Variants in NEB observed in about 807,000 individuals in gnomAD.
NEB encodes the protein nebulin.
In NEB, 512 loss-of-function variants were observed where a neutral mutation model predicts 952.2. The observed-to-expected ratio is 0.54, with a 90% confidence interval of 0.50 to 0.58. The LOEUF (loss-of-function observed/expected upper bound fraction) is 0.58, where lower values mean the gene tolerates loss of function less well. Among genes scored for constraint, NEB ranks in the 20% least tolerant of loss-of-function variants. The pLI, the probability that NEB is intolerant of heterozygous loss-of-function variation, is 0.00. For missense variants in NEB, 8,428 were observed against 9,231.1 expected (o/e 0.91, Z 3.56); for synonymous variants, 2,900 against 3,149.8 (o/e 0.92, Z 2.66).
rs766822645 is a variant in NEB, at chr2:151,656,245, T to C, written c.6403A>G (p.Thr2135Ala). 1 of 1,613,536 alleles carries C rather than the reference T, an allele frequency of 6.2e-7. No individual in the cohort carries two copies. The highest frequency in any genetic ancestry group is 1.1e-5 in the South Asian group (1 of 91,038). Residue 2135 changes from threonine to alanine, a missense_variant, in exon 49 of 182, where the codon ACT becomes GCT. Around this residue, in one of 11 missense-constraint regions of NEB, gnomAD observed 2,851 missense variants for 2,791.5 expected, o/e 1.02. Transcript: ENST00000397345. ...TTGTGAATCAGGTGCTTGTAGTTAG[T>C]GTTGGTGATGTTGGCTTGGGCATCC... The part of the protein sequence containing the change: ...AKDAQANITN[T>A]NYKHLIHKYI...
intron 72 of NEB, 39 bp downstream of exon 72, chr2:151,620,880 C>T (rs2098402447): frequency 6.8e-7 from 1 of 1,478,920 alleles, no homozygotes; most frequent in Non-Finnish European, 9.3e-7. Flanking sequence ...GTGTGGCTGG[C>T]ATGATGGTAA....
At chr2:151,507,498 G>A (rs2153206288) in intron 162 of NEB, among the ~76,000 whole-genome samples, 1 of 152,258 alleles carries the variant, frequency 6.6e-6, no homozygotes, top group Non-Finnish European at 1.5e-5. Context: ...GTCCTCCCTA[G>A]ACCCAGAGGA....
intron 105 of NEB, 148 bp from the exon 106 acceptor site, chr2:151,576,502 ATATATATATATATATTTTTTTTTTTT>A (rs1414187658): frequency 1.8e-4 from 8 of 43,246 alleles, no homozygotes; most frequent in East Asian, 1.0e-3. Flanking sequence ...ATATATATAT[ATATATATATATATATTTTTTTTTTTT>A]TTTTTTTTTT....
intron 138 of NEB, 96 bp downstream of exon 138, chr2:151,540,248 A>T: frequency 1.4e-6 from 1 of 733,762 alleles, no homozygotes; most frequent in Non-Finnish European, 2.1e-6. Flanking sequence ...GCCATGGTTT[A>T]GAACTATGGA....
chr2:151,539,293 A>AT (rs1479581428), intron 138 of NEB, among the ~76,000 whole-genome samples: 1 of 152,198 alleles, frequency 6.6e-6, no homozygotes, highest in Non-Finnish European at 1.5e-5. Context: ...TAGAAGGTAG[A>AT]TTTTGAGGGG....
chr2:151,491,811 T>TG, intron 178 of NEB, 36 bp from the exon 179 acceptor site: 1 of 1,495,488 alleles, frequency 6.7e-7, no homozygotes, highest in Non-Finnish European at 9.1e-7. Flanking sequence ...CAAGTGTTCT[T>TG]GGAGTTTTCC....
At position 151,677,826 on chromosome 2, in the gene NEB, C is replaced by A. The variant is rs750278744; in HGVS notation, c.3567+50G>T. 13 of 1,609,884 alleles carry A rather than the reference C, an allele frequency of 8.1e-6. No individual in the cohort carries two copies. In the South Asian group the frequency reaches 1.3e-4, roughly 16 times the overall value. ...GCCTAGGACAGGGTTCTTTTCATGG[C>A]AGGCTCTGAACTTAATAGGGGGGTT... On this transcript the variant is annotated intron_variant, in intron 33 of 181. Coordinates refer to ENST00000397345, the MANE Select transcript of NEB (RefSeq NM_001164508.2).
Position 151,672,152 on chromosome 2 carries a change from C to T in NEB, c.4299+217G>A, listed in dbSNP as rs76488145. On this transcript the variant is annotated intron_variant, in intron 37 of 181. Coordinates refer to ENST00000397345, the MANE Select transcript of NEB (RefSeq NM_001164508.2). ...GTGGAATATAGTTTTATCTTTTATC[C>T]ATAAGTTAATAAAGACAGCATCAAT... Among the ~76,000 whole-genome samples, 1,494 of 152,158 alleles carry T rather than the reference C, an allele frequency of 9.8e-3. 30 individuals are homozygous for T. Among genetic ancestry groups the T allele is most frequent in the East Asian group, 0.065 (335 of 5,184 alleles).
intron 161 of NEB, among the ~76,000 whole-genome samples, chr2:151,509,329 AAC>A (rs1187308589): frequency 1.3e-5 from 2 of 152,082 alleles, no homozygotes; most frequent in African/African-American, 4.8e-5. Flanking sequence ...ATGTAAGGAA[AAC>A]AGTTCTCATT....
At chr2:151,619,998 G>C (rs2098352746) in intron 72 of NEB, among the ~76,000 whole-genome samples, 1 of 152,068 alleles carries the variant, frequency 6.6e-6, no homozygotes, top group Non-Finnish European at 1.5e-5. Flanking sequence ...ATGATAAAAA[G>C]TGAATACTGA....
chr2:151,501,731 G>A (rs116296071), intron 167 of NEB, among the ~76,000 whole-genome samples: 2,260 of 152,156 alleles, frequency 0.015, 80 homozygotes, highest in East Asian at 0.14. Context: ...CTTGACTTAT[G>A]TAGGCCTTCT....
rs747193550 is a variant in NEB at position 151,553,361 on chromosome 2, T to A, written c.19731+37A>T. Reference sequence around the variant, plus strand: ...CTCTTAACTCTAGACTATGGAGAAATGGAAATATACTAAAGAACAAAACAA... The same window carrying A: ...CTCTTAACTCTAGACTATGGAGAAAAGGAAATATACTAAAGAACAAAACAA... On this transcript the variant is annotated intron_variant, in intron 127 of 181. Transcript: ENST00000397345. 9 of 1,476,178 alleles carry A rather than the reference T, an allele frequency of 6.1e-6. No individual in the cohort carries two copies. The African/African-American group carries it at 1.2e-4, about 20-fold the overall frequency. 91.4% of individuals were successfully genotyped at this position (1,476,178 alleles called of 1,614,324 possible). A position where few individuals can be genotyped will look rare whatever the true frequency, so the allele number is the denominator to read the frequency against.
intron 40 of NEB, 106 bp from the exon 41 acceptor site, chr2:151,666,507 G>T: frequency 8.9e-7 from 1 of 1,127,202 alleles, no homozygotes. Context: ...CTGAATCTAG[G>T]TAACATCGAA....
intron 46 of NEB, among the ~76,000 whole-genome samples, chr2:151,661,050 C>A (rs76697324): frequency 6.6e-6 from 1 of 151,880 alleles, no homozygotes; most frequent in East Asian, 1.9e-4. Context: ...TGTTCTAGTC[C>A]AGACCCTGCT....
At chr2:151,500,142 T>C (rs919284994) in intron 168 of NEB, among the ~76,000 whole-genome samples, 3 of 151,482 alleles carry the variant, frequency 2.0e-5, no homozygotes, top group Admixed American at 6.6e-5. Context: ...AAAAGACATA[T>C]TAACATTGAA....
Position 151,671,102 on chromosome 2 carries a change from G to C in NEB, c.4427C>G (p.Pro1476Arg). 3.7e-6 allele frequency: 6 copies of C among 1,613,970 alleles called. No homozygotes were observed. The highest frequency in any genetic ancestry group is 5.1e-6 in the Non-Finnish European group (6 of 1,179,878). ...CACACTTGTGAACTTGACGGTATCT[G>C]GGTGCTGTCGATACTTCCTCTCATT... ...ALNERKYRQH[P>R]DTVKFTSVPD... Residue 1476 changes from proline to arginine, a missense_variant, in exon 38 of 182, where the codon CCA becomes CGA. Coordinates refer to ENST00000397345, the MANE Select transcript of NEB (RefSeq NM_001164508.2).
chr2:151,628,722 T>C (rs903308014), intron 68 of NEB, among the ~76,000 whole-genome samples: 1 of 151,636 alleles, frequency 6.6e-6, no homozygotes, highest in Non-Finnish European at 1.5e-5. Flanking sequence ...ATTAGCCAAG[T>C]GTGGTGGCTG....
chr2:151,706,388 T>C lies in NEB; in HGVS notation c.1152+493A>G, dbSNP rs146904996. Reference sequence around the variant, plus strand: ...TAGTCCTTTAATCCCAAGCCCAGTCTCGTTTGCCTAATATGCTTTAAATTG... The same window carrying C: ...TAGTCCTTTAATCCCAAGCCCAGTCCCGTTTGCCTAATATGCTTTAAATTG... On this transcript the variant is annotated intron_variant, in intron 13 of 181. Coordinates refer to ENST00000397345, the MANE Select transcript of NEB (RefSeq NM_001164508.2). Among the ~76,000 whole-genome samples, 88 of 152,314 alleles carry C rather than the reference T, an allele frequency of 5.8e-4. 1 individual carries two copies. The highest frequency in any genetic ancestry group is 2.1e-3 in the African/African-American group (86 of 41,566).
At position 151,565,525 on chromosome 2, in the gene NEB, C is replaced by T. The variant is rs565998554; in HGVS notation, c.18342G>A (p.Lys6114=). Residue 6114 remains lysine, a synonymous_variant, in exon 116 of 182, where the codon AAG becomes AAA. Transcript: ENST00000397345. ...CATCACTTTGATTGACAGAATTAATCTTGGCTAAAACAATCTCTGGAGGAT... is the reference window on the plus strand; with the variant it reads ...CATCACTTTGATTGACAGAATTAATTTTGGCTAAAACAATCTCTGGAGGAT... ...VVDPPEIVLA[K]INSVNQSDVK... is the part of the protein sequence containing the mutation. The T allele has an allele frequency of 1.6e-5, 26 of 1,597,664 alleles. No individual in the cohort carries two copies. In the African/African-American group the frequency reaches 3.1e-4, roughly 19 times the overall value.
Sources: gnomAD v4.1 joint callset for allele counts (sites outside exome capture counted in the v4.1 genomes callset) on GRCh38, gnomAD v4.1.1 for gene constraint, gnomAD v4.1.1 regional missense constraint, MANE v1.5 for transcripts, NCBI Gene and HGNC (gene_info 2026-07-23, HGNC 2026-07-21) for gene names.